MAPKAP1: variants seen among roughly 807,000 people sequenced by gnomAD.
MAPKAP1 encodes target of rapamycin complex 2 subunit MAPKAP1.
Under a neutral mutation model 65.7 loss-of-function variants are expected in MAPKAP1, and 20 were observed. That is an observed-to-expected ratio of 0.30 (90% CI 0.21 to 0.44). The LOEUF (loss-of-function observed/expected upper bound fraction) is 0.44. MAPKAP1 is among the 20% of genes least tolerant of loss of function. MAPKAP1 has a pLI of 1.00. For synonymous variants in MAPKAP1, 222 were observed against 244.3 expected (o/e 0.91, Z 0.85); for missense variants, 423 against 648.0 (o/e 0.65, Z 3.77).
intron 4 of MAPKAP1, among the ~76,000 whole-genome samples, chr9:125,602,770 C>T (rs1832336351): frequency 6.6e-6 from 1 of 152,164 alleles, no homozygotes; most frequent in African/African-American, 2.4e-5. Context: ...GTGAGGATCG[C>T]TCATTCCCTC....
intron 4 of MAPKAP1, chr9:125,650,492 C>T (rs1378485065): frequency 1.3e-5 from 2 of 152,226 alleles, no homozygotes; most frequent in African/African-American, 4.8e-5. Flanking sequence ...TTCCTTTCTC[C>T]TCCCCCTTTT....
chr9:125,642,413 T>C (rs1054326026), intron 4 of MAPKAP1, among the ~76,000 whole-genome samples: 1 of 152,066 alleles, frequency 6.6e-6, no homozygotes, highest in African/African-American at 2.4e-5. Context: ...TATGGGCTGG[T>C]AAGATCCTGA....
chr9:125,606,854 TCATGGAGCTAGGGG>T (rs1424404659), intron 4 of MAPKAP1, among the ~76,000 whole-genome samples: 5 of 152,194 alleles, frequency 3.3e-5, no homozygotes, highest in African/African-American at 7.2e-5. Flanking sequence ...TCTCTGACTT[TCATGGAGCTAGGGG>T]CATGGAGCTA....
intron 6 of MAPKAP1, among the ~76,000 whole-genome samples, chr9:125,551,813 C>G (rs1830593340): frequency 6.6e-6 from 1 of 152,118 alleles, no homozygotes; most frequent in South Asian, 2.1e-4. Flanking sequence ...TAAATTAGGT[C>G]TGTGTTGGGA....
chr9:125,558,316 A>G (rs1830797314), intron 6 of MAPKAP1, among the ~76,000 whole-genome samples: 1 of 152,204 alleles, frequency 6.6e-6, no homozygotes, highest in African/African-American at 2.4e-5. Flanking sequence ...ATATCCTTTA[A>G]AGTTATTTTA....
At chr9:125,637,198 G>A (rs829309) in intron 4 of MAPKAP1, among the ~76,000 whole-genome samples, 85,923 of 151,788 alleles carry the variant, frequency 0.57, 24,567 homozygotes, top group East Asian at 0.67. Context: ...GAACCCAGGA[G>A]GCCAAGGATG....
intron 4 of MAPKAP1, among the ~76,000 whole-genome samples, chr9:125,617,580 T>G (rs1382138108): frequency 6.6e-6 from 1 of 152,160 alleles, no homozygotes; most frequent in Non-Finnish European, 1.5e-5. Context: ...GAAATGTCCA[T>G]CAACAGTGGA....
intron 1 of MAPKAP1, among the ~76,000 whole-genome samples, chr9:125,673,991 G>T (rs1421122951): frequency 6.6e-6 from 1 of 151,896 alleles, no homozygotes; most frequent in African/African-American, 2.4e-5. Flanking sequence ...AATAATATTT[G>T]TTCTAGTAAC....
rs1554805633 is a variant in MAPKAP1 at position 125,464,204 on chromosome 9, T to TTAAAAA, written c.1345+3767_1345+3768insTTTTTA. 8.6e-3 allele frequency among the ~76,000 whole-genome samples: 718 copies of TTAAAAA among 83,288 alleles called. 116 individuals are homozygous for TTAAAAA. Among genetic ancestry groups the TTAAAAA allele is most frequent in the Non-Finnish European group, 0.011 (464 of 43,218 alleles). The allele number at this position is 83,288 out of a possible 152,430, so 54.6% of individuals were successfully genotyped here. ...CACAGTGAGACCCTGTCTCATATAT[T>TTAAAAA]AAAAAAAAAAAAAAAAAAAAAAAAA... On this transcript the variant is annotated intron_variant, in intron 10 of 11. Transcript: ENST00000265960.
Position 125,595,443 on chromosome 9 carries a change from C to G in MAPKAP1, c.499-9716G>C. 1.3e-6 allele frequency: 1 copy of G among 793,804 alleles called. No individual in the cohort carries two copies. Among genetic ancestry groups the G allele is most frequent in the Non-Finnish European group, 1.6e-6 (1 of 641,180 alleles). The allele number at this position is 793,804 out of a possible 1,614,324, so 49.2% of individuals were successfully genotyped here. On this transcript the variant is annotated intron_variant, in intron 4 of 11. Transcript: ENST00000265960. This position sits in a 1 kb window ranked among gnomAD's most constrained non-coding sequence, Gnocchi z 4.0. ...CATTATCTAGAGCAGCTTTTCTCAG[C>G]TGATCCTATTAATTAAAATAATATA...
At chr9:125,649,913 T>G (rs988825708) in intron 4 of MAPKAP1, among the ~76,000 whole-genome samples, 1 of 152,112 alleles carries the variant, frequency 6.6e-6, no homozygotes, top group Admixed American at 6.5e-5. Flanking sequence ...TCTGGAGAGA[T>G]ATCTTCAAGA....
At chr9:125,478,658 G>C (rs1439189509) in intron 9 of MAPKAP1, among the ~76,000 whole-genome samples, 1 of 152,148 alleles carries the variant, frequency 6.6e-6, no homozygotes, top group African/African-American at 2.4e-5. Flanking sequence ...GACACCTGTG[G>C]ATTGGCACCT....
intron 9 of MAPKAP1, among the ~76,000 whole-genome samples, chr9:125,480,953 C>T (rs1854289202): frequency 8.7e-6 from 1 of 114,364 alleles, no homozygotes; most frequent in Non-Finnish European, 1.6e-5. Context: ...GCCTGGGTGA[C>T]AGAGCGAGAC....
chr9:125,618,727 A>G (rs1309630628), intron 4 of MAPKAP1, among the ~76,000 whole-genome samples: 4 of 151,706 alleles, frequency 2.6e-5, no homozygotes, highest in Non-Finnish European at 5.9e-5. Flanking sequence ...TAAAACAACA[A>G]CAAACAAACA....
chr9:125,592,977 CAAAAAAAAA>C (rs1008839815), intron 4 of MAPKAP1, among the ~76,000 whole-genome samples: 2 of 115,584 alleles, frequency 1.7e-5, no homozygotes, highest in African/African-American at 6.4e-5. Flanking sequence ...AAATATAACT[CAAAAAAAAA>C]AAAAGAAAAA....
chr9:125,437,505 C>T lies in MAPKAP1; in HGVS notation c.*1382G>A, dbSNP rs2132906446. The T allele has an allele frequency of 6.6e-6, 1 of 152,574 alleles. No homozygotes were observed. Among genetic ancestry groups the T allele is most frequent in the Admixed American group, 6.5e-5 (1 of 15,296 alleles). 9.5% of individuals were successfully genotyped at this position (152,574 alleles called of 1,614,324 possible). On this transcript the variant is annotated 3_prime_UTR_variant, in exon 12 of 12. Transcript: ENST00000265960. ...TTCAAAGTATCTAAATATAAAATTGCTAAAAATTCAAATACAGATAGCAAG... is the reference window on the plus strand; with the variant it reads ...TTCAAAGTATCTAAATATAAAATTGTTAAAAATTCAAATACAGATAGCAAG...
intron 11 of MAPKAP1, 98 bp downstream of exon 11, chr9:125,444,403 A>C: frequency 1.1e-6 from 1 of 919,292 alleles, no homozygotes; most frequent in Non-Finnish European, 1.7e-6. Context: ...AACCTTCTAT[A>C]GAGCTGCGGA....
At chr9:125,493,900 C>G (rs1244027775) in intron 8 of MAPKAP1, among the ~76,000 whole-genome samples, 5 of 152,204 alleles carry the variant, frequency 3.3e-5, no homozygotes, top group Non-Finnish European at 7.3e-5. Context: ...AGGAACTGAA[C>G]CCAGGTCTAA....
At chr9:125,667,675 G>C (rs1834379814) in intron 3 of MAPKAP1, among the ~76,000 whole-genome samples, 1 of 152,138 alleles carries the variant, frequency 6.6e-6, no homozygotes, top group Non-Finnish European at 1.5e-5. Flanking sequence ...GCCTCCAAAA[G>C]TGTTGGGATT....
Sources: gnomAD v4.1 joint callset for allele counts (sites outside exome capture counted in the v4.1 genomes callset) on GRCh38, gnomAD v4.1.1 for gene constraint, Gnocchi (gnomAD v3.1) non-coding constraint, MANE v1.5 for transcripts, NCBI Gene and HGNC (gene_info 2026-07-23, HGNC 2026-07-21) for gene names.